MTOR: variants seen among roughly 807,000 people sequenced by gnomAD.
MTOR encodes the protein serine/threonine-protein kinase mTOR.
Under a neutral mutation model 319.8 loss-of-function variants are expected in MTOR, and 70 were observed. That is an observed-to-expected ratio of 0.22 (90% CI 0.18 to 0.27). The LOEUF (loss-of-function observed/expected upper bound fraction) is 0.27. Ranked by LOEUF, MTOR falls within the 10% of genes least tolerant of loss-of-function variation. The pLI, the probability that MTOR is intolerant of heterozygous loss-of-function variation, is 1.00. For synonymous variants in MTOR, 1,183 were observed against 1,211.4 expected (o/e 0.98, Z 0.49); for missense variants, 1,890 against 3,274.4 (o/e 0.58, Z 10.32).
In MTOR at chr1:11,106,789, G is replaced by A. The variant is rs538129931; in HGVS notation, c.*696C>T. On this transcript the variant is annotated 3_prime_UTR_variant, in exon 58 of 58. Coordinates refer to ENST00000361445, the MANE Select transcript of MTOR (RefSeq NM_004958.4). ...ACCCTGCTGCAGAAGGCCAGTGAGGGTGGTCCCACTGCACAGTGATCCCCT... is the reference window on the plus strand; with the variant it reads ...ACCCTGCTGCAGAAGGCCAGTGAGGATGGTCCCACTGCACAGTGATCCCCT... 2.3e-5 allele frequency: 29 copies of A among 1,263,456 alleles called. No homozygotes were observed. Among genetic ancestry groups the A allele is most frequent in the Admixed American group, 3.3e-5 (1 of 30,742 alleles). The allele number at this position is 1,263,456 out of a possible 1,614,324, so 78.3% of individuals were successfully genotyped here.
At position 11,128,877 on chromosome 1, in the gene MTOR, A is replaced by T; in HGVS notation, c.5789T>A (p.Ile1930Asn). The T allele has an allele frequency of 1.2e-6, 2 of 1,613,894 alleles. No individual in the cohort carries two copies. The highest frequency in any genetic ancestry group is 1.7e-6 in the Non-Finnish European group (2 of 1,179,908). Residue 1930 changes from isoleucine (I) to asparagine (N), a missense_variant, in exon 41 of 58, where the codon ATC becomes AAC. This residue lies in a region of MTOR where 249 missense variants were observed against 596.2 expected (regional missense o/e 0.42). Coordinates refer to ENST00000361445, the MANE Select transcript of MTOR (RefSeq NM_004958.4). The surrounding 1 kb of genome is among the most constrained non-coding windows in gnomAD (Gnocchi z 5.3). ...CACCTGTAGCCAGGTATCAATCTGG[A>T]TGGCTTTCACCCCCTCCACTAAGGC... ...NEALVEGVKA[I>N]QIDTWLQVIP...
chr1:11,243,861 T>G (rs1648429779), intron 8 of MTOR, among the ~76,000 whole-genome samples: 2 of 151,964 alleles, frequency 1.3e-5, no homozygotes, highest in Admixed American at 6.6e-5. Context: ...ATAATGAAAT[T>G]TGAAGTACAG....
chr1:11,247,941 C>A lies in MTOR; in HGVS notation c.994G>T (p.Gly332Trp). The change falls in exon 7 of 58, where the codon GGG becomes TGG. Residue 332 changes from glycine to tryptophan, a missense_variant. Physicochemically the swap from Gly to Trp is radical, Grantham distance 184 (BLOSUM62 -2). Transcript: ENST00000361445. ...VQPQQSNALV[G>W]LLGYSSHQGL... ...TGGTGAGAGCTGTACCCCAGCAGCC[C>A]CACCAAGGCATTTGACTGCTGGGGC... The A allele has an allele frequency of 1.2e-6, 2 of 1,614,174 alleles. No homozygotes were observed. Among genetic ancestry groups the A allele is most frequent in the South Asian group, 1.1e-5 (1 of 91,078 alleles).
chr1:11,243,432 C>G, intron 8 of MTOR, 132 bp from the exon 9 acceptor site: 1 of 816,548 alleles, frequency 1.2e-6, no homozygotes, highest in Non-Finnish European at 1.9e-6. Context: ...TGGCTCACAC[C>G]TGTAATCCCA....
chr1:11,194,684 G>A (rs1386152143), intron 28 of MTOR: 1 of 1,613,760 alleles, frequency 6.2e-7, no homozygotes, highest in African/African-American at 1.3e-5. Context: ...GACCGGAAAG[G>A]AGAAGTTCAG....
chr1:11,244,350 G>A (rs1648526950), intron 8 of MTOR, among the ~76,000 whole-genome samples: 1 of 148,424 alleles, frequency 6.7e-6, no homozygotes, highest in Admixed American at 6.8e-5. Context: ...AACCAGTACA[G>A]GGTCGGGCGC....
intron 28 of MTOR, chr1:11,189,674 A>C: frequency 6.2e-7 from 1 of 1,614,178 alleles, no homozygotes; most frequent in Non-Finnish European, 8.5e-7. Flanking sequence ...CTCTCTAAGC[A>C]CAAGACACCA....
At chr1:11,150,762 C>T (rs144866968) in intron 30 of MTOR, among the ~76,000 whole-genome samples, 1 of 152,234 alleles carries the variant, frequency 6.6e-6, no homozygotes, top group East Asian at 1.9e-4. Context: ...GAATTTTGCA[C>T]AATTGCTGAA....
At chr1:11,189,499 C>T in intron 28 of MTOR, 1 of 1,479,634 alleles carries the variant, frequency 6.8e-7, no homozygotes. Context: ...TTCAGTCAGC[C>T]TGCTGCAGCT....
intron 28 of MTOR, among the ~76,000 whole-genome samples, chr1:11,175,049 GAA>G (rs1215080450): frequency 6.6e-6 from 1 of 152,184 alleles, no homozygotes; most frequent in East Asian, 1.9e-4. Flanking sequence ...AGGCCAAAAG[GAA>G]AAGAGAACTG....
intron 26 of MTOR, among the ~76,000 whole-genome samples, chr1:11,201,023 A>C (rs1418666373): frequency 1.3e-5 from 2 of 151,952 alleles, no homozygotes; most frequent in Admixed American, 6.6e-5. Context: ...TCAAAAAAAA[A>C]AAAAAAATTA....
At chr1:11,160,539 C>A (rs1321298290) in intron 29 of MTOR, among the ~76,000 whole-genome samples, 2 of 152,190 alleles carry the variant, frequency 1.3e-5, no homozygotes. Flanking sequence ...TAATGTCAGA[C>A]TGCCCTGGTT....
At chr1:11,207,409 C>CTT (rs386366225) in intron 25 of MTOR, among the ~76,000 whole-genome samples, 7,033 of 113,942 alleles carry the variant, frequency 0.062, 682 homozygotes, top group South Asian at 0.18. Flanking sequence ...CCCCCTACCT[C>CTT]TTTTTTTTTT....
intron 25 of MTOR, among the ~76,000 whole-genome samples, chr1:11,208,777 G>A (rs910903354): frequency 6.6e-6 from 1 of 152,198 alleles, no homozygotes; most frequent in Non-Finnish European, 1.5e-5. Flanking sequence ...AGATAATTCA[G>A]TAATCACTTG....
intron 49 of MTOR, among the ~76,000 whole-genome samples, chr1:11,118,228 A>ATTTTATTTTTTTT (rs1642282624): frequency 4.1e-5 from 5 of 120,764 alleles, no homozygotes; most frequent in African/African-American, 2.0e-4. Context: ...AACTTAGTTA[A>ATTTTATTTTTTTT]TTTTTTTTTT....
At chr1:11,260,272 G>C (rs11121712) in intron 1 of MTOR, among the ~76,000 whole-genome samples, 83,934 of 152,144 alleles carry the variant, frequency 0.55, 27,154 homozygotes, top group East Asian at 0.78. Context: ...GCCGGGCACA[G>C]TGGCTCACGC....
intron 47 of MTOR, 100 bp from the exon 48 acceptor site, chr1:11,122,226 C>G: frequency 2.1e-6 from 3 of 1,438,526 alleles, no homozygotes; most frequent in Non-Finnish European, 1.9e-6. Flanking sequence ...TTTTTTGAGA[C>G]AGAGTCTTGC....
chr1:11,156,721 T>C (rs1334621077), intron 30 of MTOR, among the ~76,000 whole-genome samples: 5 of 152,172 alleles, frequency 3.3e-5, no homozygotes, highest in African/African-American at 1.2e-4. Context: ...GAGCCTGGCA[T>C]AGTGCTGGAC....
chr1:11,130,414 C>T (rs1446336317), intron 39 of MTOR, 115 bp downstream of exon 39: 43 of 1,485,544 alleles, frequency 2.9e-5, no homozygotes, highest in Non-Finnish European at 8.1e-6. Flanking sequence ...TATTTTCCAG[C>T]TCCATCTGGC....
Sources: gnomAD v4.1 joint callset for allele counts (sites outside exome capture counted in the v4.1 genomes callset) on GRCh38, gnomAD v4.1.1 for gene constraint, gnomAD v4.1.1 regional missense constraint, Gnocchi (gnomAD v3.1) non-coding constraint, MANE v1.5 for transcripts, NCBI Gene and HGNC (gene_info 2026-07-23, HGNC 2026-07-21) for gene names.